FAM135A: variants seen among roughly 807,000 people sequenced by gnomAD.
The protein encoded by FAM135A is family with sequence similarity 135 member A.
In FAM135A, 79 loss-of-function variants were observed where a neutral mutation model predicts 146.8. That is an observed-to-expected ratio of 0.54 (90% CI 0.45 to 0.65). FAM135A has a LOEUF of 0.65. Ranked by LOEUF, FAM135A falls within the 30% of genes least tolerant of loss-of-function variation. The probability of loss-of-function intolerance (pLI) is 0.00; values close to 1 mark genes in which losing one functional copy is unlikely to be tolerated. For synonymous variants in FAM135A, 562 were observed against 603.6 expected (o/e 0.93, Z 1.01); for missense variants, 1,623 against 1,758.2 (o/e 0.92, Z 1.38).
chr6:70,423,951 A>G (rs893313439), intron 2 of FAM135A, among the ~76,000 whole-genome samples: 2 of 152,186 alleles, frequency 1.3e-5, no homozygotes, highest in Admixed American at 6.5e-5. Flanking sequence ...CACATACCCA[A>G]CATATTATAG....
intron 4 of FAM135A, among the ~76,000 whole-genome samples, chr6:70,441,251 G>A (rs530785762): frequency 7.2e-5 from 11 of 152,038 alleles, no homozygotes; most frequent in South Asian, 2.1e-4. Flanking sequence ...AAAATTAGCC[G>A]GTGGCACGCA....
intron 11 of FAM135A, among the ~76,000 whole-genome samples, chr6:70,497,176 T>G (rs1014355465): frequency 2.1e-4 from 32 of 152,226 alleles, no homozygotes; most frequent in Non-Finnish European, 3.5e-4. Flanking sequence ...CTTATTTCCT[T>G]GAGCAGTGGT....
intron 8 of FAM135A, among the ~76,000 whole-genome samples, chr6:70,479,199 A>G (rs1407094609): frequency 1.3e-5 from 2 of 152,172 alleles, no homozygotes; most frequent in African/African-American, 4.8e-5. Flanking sequence ...TATTAATGTT[A>G]GTTTTTAAGG....
chr6:70,513,438 A>G (rs1219962083), intron 12 of FAM135A: 1 of 150,200 alleles, frequency 6.7e-6, no homozygotes, highest in Non-Finnish European at 1.5e-5. Context: ...TACATTAAGT[A>G]AAATCTATAG....
rs766492488 is a variant in FAM135A at position 70,524,185 on chromosome 6, A to G, written c.1258+64A>G. Reference sequence around the variant, plus strand: ...TAGTTTTCAGTATATTCTTCCTAATATACATAAAACCATTCCCTAATGTGG... The same window carrying G: ...TAGTTTTCAGTATATTCTTCCTAATGTACATAAAACCATTCCCTAATGTGG... On this transcript the variant is annotated intron_variant, in intron 14 of 21. Coordinates refer to ENST00000418814, the MANE Select transcript of FAM135A (RefSeq NM_001162529.3). 1.9e-4 allele frequency: 286 copies of G among 1,484,852 alleles called. 1 individual carries two copies. The highest frequency in any genetic ancestry group is 2.4e-4 in the Non-Finnish European group (262 of 1,100,578). 92.0% of individuals were successfully genotyped at this position (1,484,852 alleles called of 1,614,324 possible).
At chr6:70,517,815 G>T (rs1023079424) in intron 12 of FAM135A, among the ~76,000 whole-genome samples, 13 of 152,206 alleles carry the variant, frequency 8.5e-5, no homozygotes, top group African/African-American at 2.9e-4. Flanking sequence ...CCACAGTTGT[G>T]CCCATATATG....
chr6:70,413,979 C>G lies in FAM135A; in HGVS notation c.-220+277C>G, dbSNP rs774639315. The G allele has an allele frequency of 1.7e-3, 1,719 of 985,758 alleles. 4 individuals carry two copies. The highest frequency in any genetic ancestry group is 2.0e-3 in the Non-Finnish European group (1,671 of 830,192). The allele number at this position is 985,758 out of a possible 1,614,324, so 61.1% of individuals were successfully genotyped here. ...GCCGCCCCTGCCCCTGCGCGCGTCC[C>G]TCGACCCGTTCTTCCTGAACCTCGC... On this transcript the variant is annotated intron_variant, in intron 1 of 21. Transcript: ENST00000418814.
At chr6:70,455,167 A>G (rs937416838) in intron 5 of FAM135A, among the ~76,000 whole-genome samples, 2 of 152,066 alleles carry the variant, frequency 1.3e-5, no homozygotes, top group Non-Finnish European at 2.9e-5. Context: ...TTGGATTCCT[A>G]GGTATTTTAT....
At chr6:70,473,344 C>A (rs189002709) in intron 5 of FAM135A, among the ~76,000 whole-genome samples, 3 of 152,258 alleles carry the variant, frequency 2.0e-5, no homozygotes, top group Admixed American at 2.0e-4. Flanking sequence ...TTGTGCTACT[C>A]CCAGGCCATT....
chr6:70,538,946 T>C (rs1324302057), intron 20 of FAM135A, among the ~76,000 whole-genome samples: 2 of 138,504 alleles, frequency 1.4e-5, no homozygotes, highest in African/African-American at 5.1e-5. Flanking sequence ...ATAAATCTTA[T>C]TACTTATTTT....
Position 70,500,770 on chromosome 6 carries a change from G to A in FAM135A, c.874-1866G>A, listed in dbSNP as rs190922818. On this transcript the variant is annotated intron_variant, in intron 11 of 21. Transcript: ENST00000418814. ...GCAGGTCTGTTGCAGTTTATTGGAG[G>A]TCCACTCCAGGCCCTGTTTGCCTGG... Among the ~76,000 whole-genome samples, 586 of 152,258 alleles carry A rather than the reference G, an allele frequency of 3.8e-3. 4 individuals carry two copies. The highest frequency in any genetic ancestry group is 5.6e-3 in the Non-Finnish European group (381 of 68,014).
At chr6:70,528,122 TAAAG>T (rs937025462) in intron 15 of FAM135A, among the ~76,000 whole-genome samples, 166 bp from the exon 16 acceptor site, 73 of 152,210 alleles carry the variant, frequency 4.8e-4, no homozygotes, top group Admixed American at 5.9e-4. Flanking sequence ...CTACAAATAA[TAAAG>T]AAAATTACTC....
rs148318029 is a variant in FAM135A at position 70,517,946 on chromosome 6, C to T, written c.1030-4567C>T. ...GAGAAACAGCAATATTTAAATTAGG[C>T]CAGTTAATATGCAATGATCTCTAAG... On this transcript the variant is annotated intron_variant, in intron 12 of 21. Coordinates refer to ENST00000418814, the MANE Select transcript of FAM135A (RefSeq NM_001162529.3). Among the ~76,000 whole-genome samples, 298 of 152,122 alleles carry T rather than the reference C, an allele frequency of 2.0e-3. 6 individuals carry two copies. Among genetic ancestry groups the T allele is most frequent in the Admixed American group, 0.017 (262 of 15,264 alleles).
chr6:70,540,918 T>C (rs2128444621), intron 20 of FAM135A, among the ~76,000 whole-genome samples: 1 of 152,320 alleles, frequency 6.6e-6, no homozygotes, highest in South Asian at 2.1e-4. Context: ...AAGTTTCACC[T>C]TTCCTCAAAC....
In FAM135A at chr6:70,450,919, T is replaced by G. The variant is rs1776947935; in HGVS notation, c.78-1573T>G. 2.6e-5 allele frequency among the ~76,000 whole-genome samples: 4 copies of G among 151,548 alleles called. No individual in the cohort carries two copies. The South Asian group carries it at 8.4e-4, about 32-fold the overall frequency. On this transcript the variant is annotated intron_variant, in intron 4 of 21. Coordinates refer to ENST00000418814, the MANE Select transcript of FAM135A (RefSeq NM_001162529.3). ...ACCACGCCTGGCTAATTTTTTGTCT[T>G]TTTAGTAGAGATGGGGTTTCACCAT...
rs1801645643 is a variant in FAM135A, at chr6:70,559,967, G to A, written c.*46G>A. Reference sequence around the variant, plus strand: ...CTGGACAATTACCTCATTCAACAATGTTTCAAATAATGTATTATATTAAAA... The same window carrying A: ...CTGGACAATTACCTCATTCAACAATATTTCAAATAATGTATTATATTAAAA... On this transcript the variant is annotated 3_prime_UTR_variant, in exon 22 of 22. Transcript: ENST00000418814. 14 of 1,419,522 alleles carry A rather than the reference G, an allele frequency of 9.9e-6. No individual in the cohort carries two copies. The highest frequency in any genetic ancestry group is 1.3e-5 in the Non-Finnish European group (13 of 1,022,970). The allele number at this position is 1,419,522 out of a possible 1,614,324, so 87.9% of individuals were successfully genotyped here.
At chr6:70,490,494 T>G (rs996994274) in intron 10 of FAM135A, among the ~76,000 whole-genome samples, 24 of 152,174 alleles carry the variant, frequency 1.6e-4, no homozygotes, top group African/African-American at 5.1e-4. Context: ...TGCCTCAGTT[T>G]AAGAATATTT....
chr6:70,452,530 G>A lies in FAM135A; in HGVS notation c.116G>A (p.Arg39Lys). The A allele has an allele frequency of 6.3e-7, 1 of 1,596,898 alleles. No homozygotes were observed. The highest frequency in any genetic ancestry group is 1.2e-5 in the South Asian group (1 of 86,546). ...CGTGCTTCTATGAAAATTCCATCAA[G>A]AATTCCCCACAGAGTAGAAGCTAGT... ...QIRASMKIPS[R>K]IPHRVEASLL... is the part of the protein sequence containing the mutation. The change falls in exon 5 of 22, where the codon AGA becomes AAA. Residue 39 changes from arginine (R) to lysine (K), a missense_variant. This residue lies in a region of FAM135A where 171 missense variants were observed against 164.9 expected (regional missense o/e 1.04). Coordinates refer to ENST00000418814, the MANE Select transcript of FAM135A (RefSeq NM_001162529.3).
chr6:70,500,507 C>G (rs1030876491), intron 11 of FAM135A, among the ~76,000 whole-genome samples: 3 of 152,170 alleles, frequency 2.0e-5, no homozygotes, highest in African/African-American at 7.2e-5. Flanking sequence ...CACTCTCCGT[C>G]CAGTTTTGTG....
Sources: gnomAD v4.1 joint callset for allele counts (sites outside exome capture counted in the v4.1 genomes callset) on GRCh38, gnomAD v4.1.1 for gene constraint, gnomAD v4.1.1 regional missense constraint, MANE v1.5 for transcripts, NCBI Gene and HGNC (gene_info 2026-07-23, HGNC 2026-07-21) for gene names.